GPHN: variants seen among roughly 807,000 people sequenced by gnomAD.
GPHN encodes gephyrin.
Under a neutral mutation model 95.5 loss-of-function variants are expected in GPHN, and 17 were observed. That is an observed-to-expected ratio of 0.18 (90% CI 0.12 to 0.27). GPHN has a LOEUF of 0.27. GPHN is among the 10% of genes least tolerant of loss of function. GPHN has a pLI of 1.00. For missense variants in GPHN, 660 were observed against 978.1 expected (o/e 0.67, Z 4.34); for synonymous variants, 320 against 322.5 (o/e 0.99, Z 0.08).
intron 13 of GPHN, 61 bp from the exon 14 acceptor site, chr14:67,110,079 T>A: frequency 6.7e-7 from 1 of 1,482,784 alleles, no homozygotes; most frequent in Non-Finnish European, 9.4e-7. Context: ...TAACATCCTC[T>A]GCAGACTTTT....
the GPHN span, chr14:67,571,887 C>G: frequency 6.2e-7 from 1 of 1,610,500 alleles, no homozygotes; most frequent in Non-Finnish European, 8.5e-7. Context: ...AGGCAGCCCC[C>G]GGGCCATCAA....
chr14:67,640,905 A>G, the GPHN span, among the ~76,000 whole-genome samples: 2 of 152,164 alleles, frequency 1.3e-5, no homozygotes, highest in Non-Finnish European at 2.9e-5. Flanking sequence ...CCAGAAATCC[A>G]AAATCGGAAA....
chr14:67,388,183 G>GC, the GPHN span: 4 of 1,285,130 alleles, frequency 3.1e-6, no homozygotes, highest in African/African-American at 4.4e-5. Flanking sequence ...CAGGAGGGAG[G>GC]CCCCTGAGAT....
At chr14:67,069,568 G>C (rs1433990803) in intron 11 of GPHN, among the ~76,000 whole-genome samples, 1 of 152,186 alleles carries the variant, frequency 6.6e-6, no homozygotes, top group African/African-American at 2.4e-5. Flanking sequence ...AAGGTTCCTT[G>C]ACTAGAACTG....
chr14:66,871,214 G>A (rs933894124), intron 4 of GPHN, among the ~76,000 whole-genome samples: 21 of 152,022 alleles, frequency 1.4e-4, no homozygotes, highest in African/African-American at 4.8e-4. Context: ...ATAAATATTC[G>A]TTATTTAAAT....
At chr14:67,222,999 C>CTTTTT in the GPHN span, among the ~76,000 whole-genome samples, 2 of 124,808 alleles carry the variant, frequency 1.6e-5, no homozygotes, top group African/African-American at 3.1e-5. Flanking sequence ...TCCCATTGGG[C>CTTTTT]TTTTTTTTTT....
the GPHN span, among the ~76,000 whole-genome samples, chr14:67,426,330 G>A: frequency 6.6e-6 from 1 of 152,096 alleles, no homozygotes; most frequent in Non-Finnish European, 1.5e-5. Context: ...TTTCAATGGT[G>A]ATCTCAGCAA....
At chr14:66,776,880 A>G (rs2059399941) in intron 3 of GPHN, among the ~76,000 whole-genome samples, 1 of 2,886 alleles carries the variant, frequency 3.5e-4, no homozygotes, top group Admixed American at 8.6e-3. Flanking sequence ...TTTAAATATC[A>G]GTCTTTTTTT....
intron 5 of GPHN, among the ~76,000 whole-genome samples, chr14:66,881,693 A>G (rs1277197896): frequency 6.6e-6 from 1 of 151,874 alleles, no homozygotes; most frequent in Non-Finnish European, 1.5e-5. Context: ...ACTTTTTGTT[A>G]TATCAAAAGG....
chr14:66,612,785 T>C (rs1244727673), intron 1 of GPHN, among the ~76,000 whole-genome samples: 1 of 152,116 alleles, frequency 6.6e-6, no homozygotes, highest in East Asian at 1.9e-4. Flanking sequence ...ACCTTTCTTG[T>C]TCTTTCCATG....
the GPHN span, among the ~76,000 whole-genome samples, chr14:67,612,961 A>T: frequency 1.3e-5 from 2 of 152,032 alleles, no homozygotes; most frequent in African/African-American, 4.8e-5. Context: ...AAGAAAGAAA[A>T]TAGTGAGCTT....
intron 3 of GPHN, among the ~76,000 whole-genome samples, chr14:66,779,275 A>G (rs917933163): frequency 7.9e-5 from 12 of 152,208 alleles, no homozygotes; most frequent in Middle Eastern, 3.2e-3. Flanking sequence ...GAGGAACTTT[A>G]GGTCTAATCC....
intron 5 of GPHN, among the ~76,000 whole-genome samples, chr14:66,913,921 T>C (rs2065792538): frequency 6.6e-6 from 1 of 152,188 alleles, no homozygotes; most frequent in Admixed American, 6.5e-5. Flanking sequence ...AGGAGTACTT[T>C]CTTCTTGCAG....
At chr14:67,451,917 C>T in the GPHN span, among the ~76,000 whole-genome samples, 1 of 152,142 alleles carries the variant, frequency 6.6e-6, no homozygotes, top group Admixed American at 6.6e-5. Context: ...CTTGTAGCTC[C>T]CATAATTCCC....
At chr14:66,528,609 C>G (rs2058785347) in intron 1 of GPHN, among the ~76,000 whole-genome samples, 1 of 152,108 alleles carries the variant, frequency 6.6e-6, no homozygotes, top group South Asian at 2.1e-4. Context: ...ACTGGTTGTT[C>G]CTTTCCATGT....
intron 21 of GPHN, among the ~76,000 whole-genome samples, chr14:67,170,210 G>A (rs1356777304): frequency 1.3e-5 from 2 of 152,062 alleles, no homozygotes; most frequent in African/African-American, 4.8e-5. Context: ...TTGTGGACTA[G>A]GATATGAAAC....
chr14:66,561,971 A>G (rs1252147624), intron 1 of GPHN, among the ~76,000 whole-genome samples: 1 of 152,080 alleles, frequency 6.6e-6, no homozygotes, highest in Admixed American at 6.6e-5. Flanking sequence ...GCCAACAATG[A>G]TGGGTTGAGT....
chr14:67,280,552 CTTAG>C, the GPHN span, among the ~76,000 whole-genome samples: 2 of 152,066 alleles, frequency 1.3e-5, no homozygotes, highest in African/African-American at 2.4e-5. Context: ...GAAATTGAAC[CTTAG>C]TTAAACAACT....
chr14:67,365,154 G>A, the GPHN span: 2 of 867,398 alleles, frequency 2.3e-6, no homozygotes, highest in East Asian at 5.6e-5. Flanking sequence ...GTTAGAAAAG[G>A]ATGCCAATTA....
Sources: allele counts gnomAD v4.1 joint callset (sites outside exome capture counted in the v4.1 genomes callset), GRCh38; gene constraint gnomAD v4.1.1; transcripts MANE v1.5; gene names NCBI Gene and HGNC (gene_info 2026-07-23, HGNC 2026-07-21).